Variants in OAS2 observed in about 807,000 individuals in gnomAD.
OAS2 encodes the protein 2'-5'-oligoadenylate synthetase 2, also known as 2'-5'-oligoadenylate synthase 2.
In OAS2, 67 loss-of-function variants were observed where a neutral mutation model predicts 71.3. That is an observed-to-expected ratio of 0.94 (90% confidence interval 0.77 to 1.15). The LOEUF (loss-of-function observed/expected upper bound fraction) is 1.15. OAS2 is among the 50% of genes most tolerant of loss of function. The pLI is 0.00. For synonymous variants in OAS2, 327 were observed against 321.8 expected (o/e 1.02, Z -0.17); for missense variants, 789 against 822.5 (o/e 0.96, Z 0.50).
intron 1 of OAS2, among the ~76,000 whole-genome samples, chr12:112,986,670 G>A (rs12814926): frequency 0.25 from 38,519 of 151,826 alleles, 5,085 homozygotes; most frequent in East Asian, 0.41. Flanking sequence ...GGTGTGTGCA[G>A]GTGCTGGCCG....
At position 113,002,973 on chromosome 12, in the gene OAS2, G is replaced by C; in HGVS notation, c.1050G>C (p.Lys350Asn). The change falls in exon 6 of 10, where the codon AAG becomes AAC. Residue 350 changes from lysine (K) to asparagine (N), a missense_variant. Coordinates refer to ENST00000392583, the MANE Select transcript of OAS2 (RefSeq NM_002535.3). ...CGACCCCAGGCCACCTTCTGGATAA[G>C]TTCATCAAGGAGTTTCTCCAGCCCA... is the stretch of plus-strand genomic sequence containing the variant. Reference protein sequence around the residue: ...LFTTPGHLLDKFIKEFLQPNK... With the variant: ...LFTTPGHLLDNFIKEFLQPNK... 1 of 1,614,130 alleles carries C rather than the reference G, an allele frequency of 6.2e-7. No homozygotes were observed. The highest frequency in any genetic ancestry group is 8.5e-7 in the Non-Finnish European group (1 of 1,179,976).
At chr12:112,995,227 T>C (rs555168365) in intron 2 of OAS2, 69 bp from the exon 3 acceptor site, 4 of 1,444,012 alleles carry the variant, frequency 2.8e-6, no homozygotes, top group South Asian at 2.6e-5. Context: ...ACCTTCATTG[T>C]AGAGCAACCC....
chr12:112,986,918 T>C, intron 1 of OAS2, 120 bp from the exon 2 acceptor site: 1 of 1,317,550 alleles, frequency 7.6e-7, no homozygotes, highest in African/African-American at 1.5e-5. Flanking sequence ...AATGGATGCC[T>C]GCCACTCAAT....
In OAS2 at chr12:112,978,615, A is replaced by G; in HGVS notation, c.7A>G (p.Asn3Asp). The G allele has an allele frequency of 6.2e-7, 1 of 1,613,768 alleles. No homozygotes were observed. Among genetic ancestry groups the G allele is most frequent in the Non-Finnish European group, 8.5e-7 (1 of 1,179,834 alleles). Reference protein sequence around the residue: MGNGESQLSSVPA... With the variant: MGDGESQLSSVPA... ...CGGCAGCCAGCTGAGAGCAATGGGAAATGGGGAGTCCCAGCTGTCCTCGGT... is the reference window on the plus strand; with the variant it reads ...CGGCAGCCAGCTGAGAGCAATGGGAGATGGGGAGTCCCAGCTGTCCTCGGT... Residue 3 changes from asparagine (N) to aspartate (D), a missense_variant, in exon 1 of 10, where the codon AAT (asparagine) becomes GAT (aspartate). Asn to Asp is a conservative substitution (Grantham distance 23). Coordinates refer to ENST00000392583, the MANE Select transcript of OAS2 (RefSeq NM_002535.3). This position sits in a 1 kb window ranked among gnomAD's most constrained non-coding sequence, Gnocchi z 4.2.
chr12:112,993,767 G>C (rs942738012), intron 2 of OAS2, among the ~76,000 whole-genome samples: 3 of 152,064 alleles, frequency 2.0e-5, no homozygotes, highest in Admixed American at 6.5e-5. Flanking sequence ...TACTCAGAAG[G>C]CTGAGGCAGG....
At position 113,005,169 on chromosome 12, in the gene OAS2, A is replaced by G; in HGVS notation, c.1415A>G (p.Lys472Arg). 1 of 1,614,098 alleles carries G rather than the reference A, an allele frequency of 6.2e-7. No homozygotes were observed. The highest frequency in any genetic ancestry group is 8.5e-7 in the Non-Finnish European group (1 of 1,180,000). Residue 472 changes from lysine (K) to arginine (R), a missense_variant, in exon 7 of 10, where the codon AAA (lysine) becomes AGA (arginine). Coordinates refer to ENST00000392583, the MANE Select transcript of OAS2 (RefSeq NM_002535.3). ...PRVLSFSLKS[K>R]VLNESVSFDV... Reference sequence around the variant, plus strand: ...GTGCTGAGCTTCTCTCTGAAATCCAAAGTCCTCAACGAAAGTGTCAGCTTT... The same window carrying G: ...GTGCTGAGCTTCTCTCTGAAATCCAGAGTCCTCAACGAAAGTGTCAGCTTT...
chr12:112,982,559 A>G (rs549081308), intron 1 of OAS2, among the ~76,000 whole-genome samples: 2 of 148,700 alleles, frequency 1.3e-5, no homozygotes, highest in African/African-American at 5.0e-5. Flanking sequence ...TCGAAGTATT[A>G]TTGGATTTGG....
chr12:112,985,952 A>G (rs1237054125), intron 1 of OAS2, among the ~76,000 whole-genome samples: 3 of 152,242 alleles, frequency 2.0e-5, no homozygotes, highest in Non-Finnish European at 1.5e-5. Context: ...AGCCTAGGTG[A>G]CAGAGCAAGA....
intron 1 of OAS2, among the ~76,000 whole-genome samples, chr12:112,980,997 G>A (rs1439043020): frequency 6.6e-6 from 1 of 151,974 alleles, no homozygotes; most frequent in African/African-American, 2.4e-5. Context: ...TATACCCATT[G>A]GCCATTTTGT....
At chr12:113,003,748 C>T (rs1404834057) in intron 6 of OAS2, among the ~76,000 whole-genome samples, 2 of 152,180 alleles carry the variant, frequency 1.3e-5, no homozygotes, top group Non-Finnish European at 2.9e-5. Context: ...ACTGGTCACA[C>T]GACCAGATAA....
chr12:112,992,477 T>G (rs1825781932), intron 2 of OAS2, among the ~76,000 whole-genome samples: 1 of 151,574 alleles, frequency 6.6e-6, no homozygotes, highest in African/African-American at 2.4e-5. Flanking sequence ...AAGCTGAAAC[T>G]TAAGCCATCA....
intron 9 of OAS2, among the ~76,000 whole-genome samples, chr12:113,008,642 T>C (rs2044354840): frequency 6.6e-6 from 1 of 152,192 alleles, no homozygotes; most frequent in Non-Finnish European, 1.5e-5. Context: ...GTTTTTGTTT[T>C]TGAGACAGAG....
rs2044370309 is a variant in OAS2, at chr12:113,010,414, C to T, written c.*1159C>T. 2 of 1,613,994 alleles carry T rather than the reference C, an allele frequency of 1.2e-6. No individual in the cohort carries two copies. Among genetic ancestry groups the T allele is most frequent in the Admixed American group, 1.7e-5 (1 of 60,014 alleles). Reference sequence around the variant, plus strand: ...GGAAGTTGTGGAGCTAGGATCCATCCTATTGTCAATGAGATGTTCTCATCC... The same window carrying T: ...GGAAGTTGTGGAGCTAGGATCCATCTTATTGTCAATGAGATGTTCTCATCC... On this transcript the variant is annotated 3_prime_UTR_variant, in exon 10 of 10. Coordinates refer to ENST00000392583, the MANE Select transcript of OAS2 (RefSeq NM_002535.3).
At chr12:112,997,896 T>A in intron 4 of OAS2, 141 bp downstream of exon 4, 1 of 685,724 alleles carries the variant, frequency 1.5e-6, no homozygotes, top group African/African-American at 1.8e-5. Flanking sequence ...GGGAGGCAGA[T>A]GGGTCTGTCT....
At chr12:112,985,384 A>C (rs2044124914) in intron 1 of OAS2, among the ~76,000 whole-genome samples, 1 of 152,220 alleles carries the variant, frequency 6.6e-6, no homozygotes, top group African/African-American at 2.4e-5. Flanking sequence ...ATTATTTCAA[A>C]AGAACTGTCT....
chr12:113,009,432 A>T lies in OAS2; in HGVS notation c.*177A>T, dbSNP rs1335253164. The T allele has an allele frequency of 6.9e-7, 1 of 1,440,178 alleles. No homozygotes were observed. The highest frequency in any genetic ancestry group is 9.1e-7 in the Non-Finnish European group (1 of 1,100,358). 89.2% of individuals were successfully genotyped at this position (1,440,178 alleles called of 1,614,324 possible). Reference sequence around the variant, plus strand: ...GTGATCCTCAGGCAGGTAACCCCAGATTCATGCACTGTAGGGTGCTGCGCA... The same window carrying T: ...GTGATCCTCAGGCAGGTAACCCCAGTTTCATGCACTGTAGGGTGCTGCGCA... On this transcript the variant is annotated 3_prime_UTR_variant, in exon 10 of 10. Coordinates refer to ENST00000392583, the MANE Select transcript of OAS2 (RefSeq NM_002535.3).
At chr12:112,983,773 C>T (rs2044104859) in intron 1 of OAS2, among the ~76,000 whole-genome samples, 1 of 152,154 alleles carries the variant, frequency 6.6e-6, no homozygotes, top group African/African-American at 2.4e-5. Flanking sequence ...CAAAGTTCCT[C>T]TTGTTCCATT....
intron 1 of OAS2, among the ~76,000 whole-genome samples, chr12:112,984,376 A>G (rs1009397952): frequency 6.6e-6 from 1 of 152,226 alleles, no homozygotes; most frequent in Non-Finnish European, 1.5e-5. Context: ...GTCTGATATA[A>G]GTATAGCTAC....
At chr12:112,983,557 G>T (rs7964503) in intron 1 of OAS2, among the ~76,000 whole-genome samples, 4 of 152,004 alleles carry the variant, frequency 2.6e-5, no homozygotes, top group African/African-American at 7.3e-5. Flanking sequence ...AAGATGAACC[G>T]TTAGGTTGTT....
Sources: gnomAD v4.1 joint callset for allele counts (sites outside exome capture counted in the v4.1 genomes callset) on GRCh38, gnomAD v4.1.1 for gene constraint, Gnocchi (gnomAD v3.1) non-coding constraint, MANE v1.5 for transcripts, NCBI Gene and HGNC (gene_info 2026-07-23, HGNC 2026-07-21) for gene names.